Variants in RXRA observed in about 807,000 individuals in gnomAD.
RXRA encodes the protein retinoid X receptor alpha.
A neutral mutation model predicts 44.5 loss-of-function variants in RXRA; 5 were observed. The ratio of observed to expected loss-of-function variants is 0.11; its 90% CI spans 0.06 to 0.24. RXRA has a LOEUF of 0.24. Among genes scored for constraint, RXRA ranks in the 10% least tolerant of loss-of-function variants. The pLI is 1.00. For missense variants in RXRA, 412 were observed against 646.5 expected, an observed-to-expected ratio of 0.64 and a Z score of 3.93; for synonymous variants, 291 against 271.4, an observed-to-expected ratio of 1.07 and a Z score of -0.71.
At chr9:134,358,487 A>T (rs1830310826) in intron 1 of RXRA, among the ~76,000 whole-genome samples, 1 of 152,196 alleles carries the variant, frequency 6.6e-6, no homozygotes, top group Non-Finnish European at 1.5e-5. Context: ...GGAGGTCAGT[A>T]GCTGAGCCTG....
At chr9:134,396,495 C>T (rs924382052) in intron 1 of RXRA, among the ~76,000 whole-genome samples, 3 of 152,036 alleles carry the variant, frequency 2.0e-5, no homozygotes, top group African/African-American at 2.4e-5. Context: ...CTGCTTGCAA[C>T]GGGGTTTCAG....
At chr9:134,380,034 G>A (rs1830618325) in intron 1 of RXRA, 18 of 985,366 alleles carry the variant, frequency 1.8e-5, no homozygotes, top group Non-Finnish European at 2.0e-5. Flanking sequence ...CCTTTTCTGT[G>A]CCCCCTGCCT....
rs114297092 is a variant in RXRA at position 134,385,741 on chromosome 9, A to C, written c.29-15891A>C. Among the ~76,000 whole-genome samples, 769 of 152,350 alleles carry C rather than the reference A, an allele frequency of 5.0e-3. 8 individuals are homozygous for C. Among genetic ancestry groups the C allele is most frequent in the African/African-American group, 0.017 (715 of 41,580 alleles). On this transcript the variant is annotated intron_variant, in intron 1 of 9. Transcript: ENST00000481739. ...GCATCCGGTTTTCCAGCACTCCTGC[A>C]TGCCGGCTGGCACCATGTTGGGGCG... is the stretch of plus-strand genomic sequence containing the variant.
chr9:134,423,263 G>C (rs1206032464), intron 6 of RXRA: 1 of 985,326 alleles, frequency 1.0e-6, no homozygotes, highest in African/African-American at 1.7e-5. Context: ...CCCGACGATG[G>C]TGCTGGTCAC....
At position 134,433,109 on chromosome 9, in the gene RXRA, C is replaced by G. The variant is rs545152686; in HGVS notation, c.1136-993C>G. 8.5e-5 allele frequency among the ~76,000 whole-genome samples: 13 copies of G among 152,248 alleles called. No individual in the cohort carries two copies. The South Asian group carries it at 2.5e-3, about 29-fold the overall frequency. On this transcript the variant is annotated intron_variant, in intron 8 of 9. Transcript: ENST00000481739. This position sits in a 1 kb window ranked among gnomAD's most constrained non-coding sequence, Gnocchi z 4.2. ...ACCTTGCCCTTTGTCAGACCTGGCT[C>G]TGAGGGACCGGGCCGGGATGGAGAT... is the stretch of plus-strand genomic sequence containing the variant.
Position 134,365,902 on chromosome 9 carries a change from C to G in RXRA, c.29-35730C>G, listed in dbSNP as rs904343603. ...GGGTTCCTGGGCTGGGATTGGCCGT[C>G]GGGGAGGTGCACACAGACGCTCAGC... On this transcript the variant is annotated intron_variant, in intron 1 of 9. Coordinates refer to ENST00000481739, the MANE Select transcript of RXRA (RefSeq NM_002957.6). The surrounding 1 kb of genome is among the most constrained non-coding windows in gnomAD (Gnocchi z 4.0). Among the ~76,000 whole-genome samples the G allele has an allele frequency of 6.6e-6, 1 of 151,964 alleles. No homozygotes were observed. Among genetic ancestry groups the G allele is most frequent in the Non-Finnish European group, 1.5e-5 (1 of 67,986 alleles).
rs746777820 is a variant in RXRA, at chr9:134,417,327, G to A, written c.780G>A (p.Ser260=). The change falls in exon 5 of 10, where the codon TCG becomes TCA. Residue 260 remains serine, a splice_region_variant and synonymous_variant. Transcript: ENST00000481739. This position sits in a 1 kb window ranked among gnomAD's most constrained non-coding sequence, Gnocchi z 6.1. ...VEANMGLNPS[S]PNDPVTNICQ... ...CAAACATGGGGCTGAACCCCAGCTC[G>A]GTGAGTTGCAGCCTGTGCAGGGGTG... The A allele has an allele frequency of 8.7e-6, 14 of 1,613,004 alleles. No individual in the cohort carries two copies. The highest frequency in any genetic ancestry group is 1.7e-5 in the Admixed American group (1 of 59,950).
At position 134,389,737 on chromosome 9, in the gene RXRA, G is replaced by A. The variant is rs116869011; in HGVS notation, c.29-11895G>A. On this transcript the variant is annotated intron_variant, in intron 1 of 9. Coordinates refer to ENST00000481739, the MANE Select transcript of RXRA (RefSeq NM_002957.6). ...AGAGGGGGCTGGCAGACGTTCCTGC[G>A]GGAGGCACTCTGTGGATGGGGTCAC... 3.1e-4 allele frequency among the ~76,000 whole-genome samples: 47 copies of A among 152,282 alleles called. No homozygotes were observed. In the East Asian group the frequency reaches 6.6e-3, roughly 21 times the overall value.
At chr9:134,362,560 T>C (rs1208218364) in intron 1 of RXRA, among the ~76,000 whole-genome samples, 4 of 152,222 alleles carry the variant, frequency 2.6e-5, no homozygotes, top group Non-Finnish European at 5.9e-5. Flanking sequence ...GGCACAGGCC[T>C]TCATGGGTTT....
intron 1 of RXRA, among the ~76,000 whole-genome samples, chr9:134,400,311 G>T (rs1830939388): frequency 6.6e-6 from 1 of 152,218 alleles, no homozygotes; most frequent in African/African-American, 2.4e-5. Flanking sequence ...CTGGGGCTGG[G>T]GAGGGGTGGA....
chr9:134,388,240 C>T (rs977436427), intron 1 of RXRA, among the ~76,000 whole-genome samples: 3 of 149,364 alleles, frequency 2.0e-5, no homozygotes, highest in African/African-American at 5.0e-5. Context: ...CTGTGCTCTT[C>T]GTCAGGGTTG....
intron 5 of RXRA, among the ~76,000 whole-genome samples, chr9:134,420,982 T>C (rs6537944): frequency 0.12 from 18,753 of 152,290 alleles, 1,407 homozygotes; most frequent in African/African-American, 0.21. Flanking sequence ...CCATGCCTGA[T>C]GGAACGTGAG....
chr9:134,382,302 A>G (rs1411301906), intron 1 of RXRA, among the ~76,000 whole-genome samples: 3 of 150,680 alleles, frequency 2.0e-5, no homozygotes, highest in Non-Finnish European at 3.0e-5. Flanking sequence ...TGCGCTTTTG[A>G]CTGGGCTCGG....
intron 1 of RXRA, among the ~76,000 whole-genome samples, chr9:134,336,520 C>T (rs530348245): frequency 2.6e-5 from 4 of 152,330 alleles, no homozygotes; most frequent in East Asian, 1.9e-4. Flanking sequence ...GCAGAGTCCA[C>T]GGCTGGAAGT....
Position 134,417,278 on chromosome 9 carries a change from C to T in RXRA, c.731C>T (p.Pro244Leu). 1 of 1,613,862 alleles carries T rather than the reference C, an allele frequency of 6.2e-7. No individual in the cohort carries two copies. Among genetic ancestry groups the T allele is most frequent in the Non-Finnish European group, 8.5e-7 (1 of 1,179,980 alleles). The change falls in exon 5 of 10, where the codon CCC (proline) becomes CTC (leucine). Residue 244 changes from proline (P) to leucine (L), a missense_variant. Around this residue, in one of 4 missense-constraint regions of RXRA, gnomAD observed 67 missense variants for 78.7 expected, o/e 0.85. Coordinates refer to ENST00000481739, the MANE Select transcript of RXRA (RefSeq NM_002957.6). The surrounding 1 kb of genome is among the most constrained non-coding windows in gnomAD (Gnocchi z 6.1). ...CTGGAGGCTGAGCTGGCCGTGGAGCCCAAGACCGAGACCTACGTGGAGGCA... is the reference window on the plus strand; with the variant it reads ...CTGGAGGCTGAGCTGGCCGTGGAGCTCAAGACCGAGACCTACGTGGAGGCA... ...RILEAELAVE[P>L]KTETYVEANM...
At chr9:134,336,403 C>T (rs1298440696) in intron 1 of RXRA, among the ~76,000 whole-genome samples, 1 of 152,218 alleles carries the variant, frequency 6.6e-6, no homozygotes, top group Non-Finnish European at 1.5e-5. Context: ...ATGGCATGCT[C>T]ACAGCCCGGG....
At chr9:134,422,018 T>TC (rs1192735721) in intron 6 of RXRA, 2 of 1,201,640 alleles carry the variant, frequency 1.7e-6, no homozygotes, top group African/African-American at 2.8e-5. Flanking sequence ...CGGAACACAC[T>TC]CCCCCCTCCC....
chr9:134,388,058 C>T (rs1346980473), intron 1 of RXRA, among the ~76,000 whole-genome samples: 5 of 152,154 alleles, frequency 3.3e-5, no homozygotes, highest in African/African-American at 9.7e-5. Context: ...CACAGAGAGG[C>T]CTCTTCAGCT....
At chr9:134,406,471 T>A (rs1831052094) in intron 2 of RXRA, 1 of 150,160 alleles carries the variant, frequency 6.7e-6, no homozygotes, top group African/African-American at 2.5e-5. Context: ...AAACTCAGGC[T>A]CACAGTGATT....
Sources: allele counts gnomAD v4.1 joint callset (sites outside exome capture counted in the v4.1 genomes callset), GRCh38; gene constraint gnomAD v4.1.1; regional missense constraint gnomAD v4.1.1; non-coding constraint Gnocchi (gnomAD v3.1); transcripts MANE v1.5; gene names NCBI Gene and HGNC (gene_info 2026-07-23, HGNC 2026-07-21).